Variants in BMP5 observed in about 807,000 individuals in gnomAD.
BMP5 encodes the protein bone morphogenetic protein 5.
In BMP5, 23 loss-of-function variants were observed where a neutral mutation model predicts 46.6. The observed-to-expected ratio is 0.49, with a 90% CI of 0.35 to 0.70. The LOEUF (loss-of-function observed/expected upper bound fraction) is 0.70. BMP5 is among the 30% of genes least tolerant of loss of function. BMP5 has a pLI of 0.00. For synonymous variants in BMP5, 204 were observed against 191.9 expected, an observed-to-expected ratio of 1.06 and a Z score of -0.52; for missense variants, 545 against 565.6, an observed-to-expected ratio of 0.96 and a Z score of 0.37.
At chr6:55,763,546 C>T (rs228140) in intron 4 of BMP5, among the ~76,000 whole-genome samples, 32,745 of 151,928 alleles carry the variant, frequency 0.22, 3,804 homozygotes, top group South Asian at 0.34. Context: ...CAGAATAAGC[C>T]GTAGGAGGAA....
Position 55,760,441 on chromosome 6 carries a change from G to A in BMP5, c.1104+16C>T, listed in dbSNP as rs376052212. ...AATTCAGAAAAGAAGCACCAAAGTT[G>A]ACTGAAAATTCCTACCTGCCATCCC... On this transcript the variant is annotated intron_variant, in intron 5 of 6. Coordinates refer to ENST00000370830, the MANE Select transcript of BMP5 (RefSeq NM_021073.4). 6.8e-5 allele frequency: 110 copies of A among 1,610,262 alleles called. No individual in the cohort carries two copies. Among genetic ancestry groups the A allele is most frequent in the Non-Finnish European group, 7.8e-5 (92 of 1,176,958 alleles).
chr6:55,853,243 T>C (rs896883629), intron 1 of BMP5, among the ~76,000 whole-genome samples: 1 of 149,086 alleles, frequency 6.7e-6, no homozygotes, highest in East Asian at 2.0e-4. Context: ...AAAATAAAAT[T>C]TGTTGCTAAT....
intron 2 of BMP5, among the ~76,000 whole-genome samples, chr6:55,815,550 T>A (rs1161361892): frequency 2.6e-5 from 4 of 152,142 alleles, no homozygotes; most frequent in Non-Finnish European, 5.9e-5. Flanking sequence ...AGAGTAGATT[T>A]AAACACATGT....
At chr6:55,858,378 T>C (rs1777449489) in intron 1 of BMP5, among the ~76,000 whole-genome samples, 2 of 152,254 alleles carry the variant, frequency 1.3e-5, no homozygotes. Flanking sequence ...TGAGTTGAGT[T>C]GGCTGAAAAG....
intron 2 of BMP5, among the ~76,000 whole-genome samples, chr6:55,812,476 A>G (rs1237254464): frequency 6.6e-6 from 1 of 152,236 alleles, no homozygotes; most frequent in East Asian, 1.9e-4. Context: ...CTGTGTCTTG[A>G]ATATAAAACA....
intron 3 of BMP5, among the ~76,000 whole-genome samples, chr6:55,781,324 A>G (rs925948764): frequency 6.6e-6 from 1 of 152,134 alleles, no homozygotes; most frequent in Non-Finnish European, 1.5e-5. Context: ...AAATGAAAGA[A>G]TCTTTTCCTT....
At chr6:55,841,093 T>C (rs1776937661) in intron 1 of BMP5, among the ~76,000 whole-genome samples, 2 of 152,312 alleles carry the variant, frequency 1.3e-5, no homozygotes, top group South Asian at 2.1e-4. Context: ...CTTCATTGCA[T>C]GTTCCTTATG....
At chr6:55,771,361 C>T (rs1026108571) in intron 4 of BMP5, among the ~76,000 whole-genome samples, 1 of 151,880 alleles carries the variant, frequency 6.6e-6, no homozygotes, top group Non-Finnish European at 1.5e-5. Context: ...ACTGCCTCAA[C>T]ATGAAACAGG....
intron 1 of BMP5, among the ~76,000 whole-genome samples, chr6:55,870,339 T>C (rs1304280202): frequency 6.6e-6 from 1 of 152,092 alleles, no homozygotes; most frequent in African/African-American, 2.4e-5. Context: ...TGATTATGAA[T>C]GTGAAGTGTT....
intron 3 of BMP5, among the ~76,000 whole-genome samples, chr6:55,793,222 T>C (rs1257930982): frequency 6.6e-6 from 1 of 152,146 alleles, no homozygotes; most frequent in African/African-American, 2.4e-5. Context: ...AATATGCCAG[T>C]ATCACCATCA....
chr6:55,831,925 T>G (rs1055599064), intron 1 of BMP5, among the ~76,000 whole-genome samples: 1 of 151,748 alleles, frequency 6.6e-6, no homozygotes, highest in Non-Finnish European at 1.5e-5. Context: ...AAGACATGGG[T>G]AACAGGAGAG....
intron 4 of BMP5, 144 bp downstream of exon 4, chr6:55,773,905 T>C (rs1329087425): frequency 4.4e-6 from 4 of 912,770 alleles, no homozygotes; most frequent in Non-Finnish European, 5.3e-6. Context: ...TGATGAAACA[T>C]TCTGGGATGC....
At position 55,774,018 on chromosome 6, in the gene BMP5, G is replaced by A. The variant is rs762058439; in HGVS notation, c.1027+31C>T. The A allele has an allele frequency of 2.5e-6, 4 of 1,607,184 alleles. No individual in the cohort carries two copies. The African/African-American group carries it at 4.0e-5, about 16-fold the overall frequency. On this transcript the variant is annotated intron_variant, in intron 4 of 6. Transcript: ENST00000370830. ...GCAGCATACGACCCCATAACTCTCT[G>A]TGCATAACTGCTGCTCGGGTTTATT...
chr6:55,867,401 A>G (rs1777672918), intron 1 of BMP5, among the ~76,000 whole-genome samples: 1 of 152,178 alleles, frequency 6.6e-6, no homozygotes, highest in Non-Finnish European at 1.5e-5. Flanking sequence ...CAACAAAACA[A>G]AACAAAACCT....
chr6:55,855,962 G>A (rs1448627455), intron 1 of BMP5, among the ~76,000 whole-genome samples: 9 of 152,066 alleles, frequency 5.9e-5, no homozygotes, highest in Non-Finnish European at 1.0e-4. Context: ...TATGGCTTTT[G>A]ACAAATGCAG....
chr6:55,811,955 T>C (rs575953351), intron 2 of BMP5, among the ~76,000 whole-genome samples: 5 of 152,332 alleles, frequency 3.3e-5, no homozygotes, highest in African/African-American at 1.2e-4. Flanking sequence ...CCACAGTCCC[T>C]GGCCTCCAGG....
At chr6:55,794,788 T>C (rs114799437) in intron 2 of BMP5, among the ~76,000 whole-genome samples, 1,741 of 152,284 alleles carry the variant, frequency 0.011, 33 homozygotes, top group African/African-American at 0.039. Context: ...TAGAGTCAAA[T>C]GAAAGTAGTT....
chr6:55,809,314 T>C (rs1685715763), intron 2 of BMP5, among the ~76,000 whole-genome samples: 1 of 152,288 alleles, frequency 6.6e-6, no homozygotes, highest in South Asian at 2.1e-4. Context: ...CAACTCATTA[T>C]AGTCAGAAGT....
intron 1 of BMP5, among the ~76,000 whole-genome samples, chr6:55,826,128 T>C (rs962919988): frequency 1.3e-5 from 2 of 151,858 alleles, no homozygotes; most frequent in African/African-American, 2.4e-5. Flanking sequence ...AATATGTACA[T>C]GTTTTCCATG....
Sources: gnomAD v4.1 joint callset for allele counts (sites outside exome capture counted in the v4.1 genomes callset) on GRCh38, gnomAD v4.1.1 for gene constraint, MANE v1.5 for transcripts, NCBI Gene and HGNC (gene_info 2026-07-23, HGNC 2026-07-21) for gene names.